Variants in ATP2B2 observed in about 807,000 individuals in gnomAD.
ATP2B2 encodes ATPase plasma membrane Ca2+ transporting 2, also known as plasma membrane calcium-transporting ATPase 2.
Under a neutral mutation model 120.0 loss-of-function variants are expected in ATP2B2, and 15 were observed. The observed-to-expected ratio is 0.12, with a 90% CI of 0.08 to 0.19. The LOEUF (loss-of-function observed/expected upper bound fraction) is 0.19, where lower values mean the gene tolerates loss of function less well. Ranked by LOEUF, ATP2B2 falls within the 10% of genes least tolerant of loss-of-function variation. ATP2B2 has a pLI of 1.00. For synonymous variants in ATP2B2, 694 were observed against 700.3 expected (o/e 0.99, Z 0.14); for missense variants, 1,045 against 1,719.8 (o/e 0.61, Z 6.94).
At chr3:10,331,855 C>T in intron 22 of ATP2B2, 1 of 900,026 alleles carries the variant, frequency 1.1e-6, no homozygotes, top group African/African-American at 1.7e-5. Context: ...TCAGAGGGCT[C>T]TGAGAAAACG....
intron 1 of ATP2B2, among the ~76,000 whole-genome samples, chr3:10,493,979 G>C (rs930915978): frequency 2.6e-5 from 4 of 152,184 alleles, no homozygotes; most frequent in Non-Finnish European, 5.9e-5. Flanking sequence ...CAAAGGAAAA[G>C]CGGCATGAAG....
intron 3 of ATP2B2, among the ~76,000 whole-genome samples, chr3:10,513,461 G>A (rs1334604107): frequency 1.3e-5 from 2 of 152,206 alleles, no homozygotes; most frequent in African/African-American, 4.8e-5. Flanking sequence ...TGGGAAGGGG[G>A]GCAGCTGGGA....
At chr3:10,702,831 T>C (rs1447066156) in intron 1 of ATP2B2, among the ~76,000 whole-genome samples, 1 of 152,230 alleles carries the variant, frequency 6.6e-6, no homozygotes, top group African/African-American at 2.4e-5. Flanking sequence ...TTTCTGTCCC[T>C]GTCATATTCA....
At chr3:10,605,929 G>A (rs972917415) in intron 2 of ATP2B2, among the ~76,000 whole-genome samples, 39 of 152,088 alleles carry the variant, frequency 2.6e-4, no homozygotes, top group Admixed American at 4.6e-4. Flanking sequence ...GATTACAGGC[G>A]TGAGCCACCA....
At position 10,342,746 on chromosome 3, in the gene ATP2B2, G is replaced by A. The variant is rs184203749; in HGVS notation, c.2917+6C>T. The A allele has an allele frequency of 1.9e-5, 31 of 1,614,002 alleles. No homozygotes were observed. The highest frequency in any genetic ancestry group is 1.3e-4 in the South Asian group (12 of 91,078). On this transcript the variant is annotated splice_donor_region_variant and intron_variant, in intron 19 of 22. Transcript: ENST00000360273. This position sits in a 1 kb window ranked among gnomAD's most constrained non-coding sequence, Gnocchi z 4.4. ...TGGGAGAGGCGTGGGTGGGCGAGGC[G>A]CTCACCAACAAAGAGCAGGGTGAAG...
At chr3:10,521,380 G>C (rs958030584) in intron 3 of ATP2B2, among the ~76,000 whole-genome samples, 1 of 152,252 alleles carries the variant, frequency 6.6e-6, no homozygotes, top group East Asian at 1.9e-4. Flanking sequence ...TCCAGGACCA[G>C]AAAATCCTTC....
chr3:10,613,516 G>A (rs1031744397), intron 2 of ATP2B2, among the ~76,000 whole-genome samples: 1 of 151,982 alleles, frequency 6.6e-6, no homozygotes, highest in Admixed American at 6.5e-5. Context: ...GGTGATTAGT[G>A]CCCTTGATGA....
chr3:10,523,626 T>C (rs983148659), intron 3 of ATP2B2, among the ~76,000 whole-genome samples: 1 of 152,214 alleles, frequency 6.6e-6, no homozygotes, highest in Non-Finnish European at 1.5e-5. Context: ...GCAAATGGTG[T>C]CTGGCTAACC....
In ATP2B2 at chr3:10,350,562, G is replaced by A. The variant is rs938764659; in HGVS notation, c.2152C>T (p.Arg718Cys). The change falls in exon 15 of 23, where the codon CGC (arginine) becomes TGC (cysteine). Residue 718 changes from arginine to cysteine, a missense_variant. This residue lies in a region of ATP2B2 where 343 missense variants were observed against 536.8 expected (regional missense o/e 0.64). Transcript: ENST00000360273. The stretch of plus-strand genomic sequence containing the variant: ...GTGATGCCTGCCCGCTGGCACTTGC[G>A]GATGGCTTCTGGGACCTGGGCAGGA... ...PVRPEVPEAIRKCQRAGITVR... is the reference protein window; with the variant it reads ...PVRPEVPEAICKCQRAGITVR... The A allele has an allele frequency of 1.1e-5, 18 of 1,613,040 alleles. No homozygotes were observed. The highest frequency in any genetic ancestry group is 2.2e-5 in the East Asian group (1 of 44,882).
At chr3:10,373,560 T>C (rs987620842) in intron 11 of ATP2B2, among the ~76,000 whole-genome samples, 1 of 152,214 alleles carries the variant, frequency 6.6e-6, no homozygotes, top group East Asian at 1.9e-4. Context: ...TTTGAAAAAA[T>C]GTAAAAGTAG....
At chr3:10,659,871 A>G (rs189711081) in intron 1 of ATP2B2, among the ~76,000 whole-genome samples, 96 of 139,746 alleles carry the variant, frequency 6.9e-4, no homozygotes, top group Admixed American at 3.3e-3. Context: ...CAAATGTAAA[A>G]TAACAGAAAT....
At chr3:10,578,871 G>A (rs1340968616) in intron 2 of ATP2B2, among the ~76,000 whole-genome samples, 6 of 152,188 alleles carry the variant, frequency 3.9e-5, no homozygotes, top group Non-Finnish European at 8.8e-5. Context: ...CTAATCTACC[G>A]TGGTAATGGT....
intron 1 of ATP2B2, among the ~76,000 whole-genome samples, chr3:10,645,612 CA>C (rs986957459): frequency 5.3e-5 from 8 of 152,028 alleles, no homozygotes; most frequent in African/African-American, 1.9e-4. Flanking sequence ...AGATTTCACC[CA>C]AAAAAAGTCA....
intron 3 of ATP2B2, among the ~76,000 whole-genome samples, chr3:10,523,789 A>G (rs939084623): frequency 6.6e-6 from 1 of 151,864 alleles, no homozygotes; most frequent in African/African-American, 2.4e-5. Context: ...GGTCAAATAT[A>G]TCAGAGCCCA....
intron 3 of ATP2B2, among the ~76,000 whole-genome samples, chr3:10,533,683 G>C (rs1265575086): frequency 2.6e-5 from 4 of 152,198 alleles, no homozygotes; most frequent in African/African-American, 9.6e-5. Context: ...TTTTCATTCA[G>C]GCACCGGTCT....
Position 10,682,455 on chromosome 3 carries a change from T to G in ATP2B2, c.-460+25460A>C, listed in dbSNP as rs575370057. On this transcript the variant is annotated intron_variant, in intron 1 of 21. Coordinates refer to the ATP2B2 transcript ENST00000646379. ...ATGGCTTAACTTCTCTGTGCCTCAG[T>G]TTCTTTGCTGTAAAAGAAATGTGAC... Among the ~76,000 whole-genome samples the G allele has an allele frequency of 8.5e-4, 129 of 152,382 alleles. 1 individual carries two copies. Among genetic ancestry groups the G allele is most frequent in the African/African-American group, 2.9e-3 (119 of 41,584 alleles).
intron 1 of ATP2B2, among the ~76,000 whole-genome samples, chr3:10,707,755 C>G (rs1275426196): frequency 6.6e-6 from 1 of 151,660 alleles, no homozygotes; most frequent in East Asian, 2.0e-4. Context: ...CTCCGCGGGG[C>G]GAAGGGACCA....
chr3:10,522,807 G>T (rs2067011082), intron 3 of ATP2B2, among the ~76,000 whole-genome samples: 1 of 152,218 alleles, frequency 6.6e-6, no homozygotes, highest in Non-Finnish European at 1.5e-5. Context: ...AGGTAATGGG[G>T]CTTGCTCAAG....
chr3:10,493,982 GCATGAAGGT>G (rs1316373616), intron 1 of ATP2B2, among the ~76,000 whole-genome samples: 1 of 152,192 alleles, frequency 6.6e-6, no homozygotes, highest in African/African-American at 2.4e-5. Context: ...AGGAAAAGCG[GCATGAAGGT>G]GAAGTGTGGG....
Sources: allele counts gnomAD v4.1 joint callset (sites outside exome capture counted in the v4.1 genomes callset), GRCh38; gene constraint gnomAD v4.1.1; regional missense constraint gnomAD v4.1.1; non-coding constraint Gnocchi (gnomAD v3.1); transcripts MANE v1.5; gene names NCBI Gene and HGNC (gene_info 2026-07-23, HGNC 2026-07-21).